The following ABCA2 variants were observed in gnomAD, a reference collection of about 807,000 sequenced individuals.
ABCA2 encodes ATP binding cassette subfamily A member 2.
In ABCA2, 84 loss-of-function variants were observed where a neutral mutation model predicts 262.8. The observed-to-expected ratio is 0.32, with a 90% confidence interval of 0.27 to 0.38. ABCA2 has a LOEUF of 0.38. Ranked by LOEUF, ABCA2 falls within the 10% of genes least tolerant of loss-of-function variation. ABCA2 has a pLI of 1.00. For synonymous variants in ABCA2, 1,696 were observed against 1,502.9 expected (o/e 1.13, Z -2.97); for missense variants, 2,662 against 3,405.9 (o/e 0.78, Z 5.44).
intron 26 of ABCA2, 135 bp downstream of exon 26, chr9:137,014,555 C>G: frequency 6.8e-7 from 1 of 1,474,072 alleles, no homozygotes; most frequent in East Asian, 2.5e-5. Context: ...GGACCGCAGG[C>G]TAACCCCGGG....
intron 5 of ABCA2, 45 bp from the exon 6 acceptor site, chr9:137,022,523 C>A: frequency 6.3e-7 from 1 of 1,598,056 alleles, no homozygotes; most frequent in Non-Finnish European, 8.5e-7. Flanking sequence ...TGCACCTTGG[C>A]AAGGTGCCCC....
chr9:137,016,864 C>A, intron 19 of ABCA2, 56 bp downstream of exon 19: 1 of 1,595,028 alleles, frequency 6.3e-7, no homozygotes, highest in Non-Finnish European at 8.5e-7. Flanking sequence ...CTGCTGGTCC[C>A]CAACCCTGGC....
chr9:137,026,333 T>C (rs1831653674), intron 1 of ABCA2, among the ~76,000 whole-genome samples: 1 of 152,294 alleles, frequency 6.6e-6, no homozygotes, highest in South Asian at 2.1e-4. Context: ...GCAGGGCGCA[T>C]GGCACACAGG....
rs1831529509 is a variant in ABCA2, at chr9:137,022,989, G to A, written c.227C>T (p.Pro76Leu). 1 of 1,594,464 alleles carries A rather than the reference G, an allele frequency of 6.3e-7. No homozygotes were observed. Among genetic ancestry groups the A allele is most frequent in the East Asian group, 2.3e-5 (1 of 43,992 alleles). The change falls in exon 4 of 49, where the codon CCG (proline) becomes CTG (leucine). Residue 76 changes from proline (P) to leucine (L), a missense_variant. This residue lies in a region of ABCA2 where 101 missense variants were observed against 152.3 expected (regional missense o/e 0.66). Coordinates refer to ENST00000341511, the MANE Select transcript of ABCA2 (RefSeq NM_001606.5). ...GILPVMQSLC[P>L]DGQRDEFGFL... ...GCCGAACTCGTCTCGCTGGCCGTCCGGGCACAGCGATTGCATGACAGGCAG... is the reference window on the plus strand; with the variant it reads ...GCCGAACTCGTCTCGCTGGCCGTCCAGGCACAGCGATTGCATGACAGGCAG...
Position 137,020,496 on chromosome 9 carries a change from C to CTGGGGT in ABCA2, c.1266-7_1266-2dup, listed in dbSNP as rs1338751764. On this transcript the variant is annotated splice_acceptor_variant, in intron 9 of 48. Transcript: ENST00000341511. LOFTEE classifies it high-confidence loss of function. The stretch of plus-strand genomic sequence containing the variant: ...CCGCAGCGCCTCGGGTTCAATGGTG[C>CTGGGGT]TGGGGTAGGGGACAGGGGGCCGGGC... 1 of 1,589,428 alleles carries CTGGGGT rather than the reference C, an allele frequency of 6.3e-7. No homozygotes were observed. The highest frequency in any genetic ancestry group is 8.6e-7 in the Non-Finnish European group (1 of 1,168,740).
At position 137,013,038 on chromosome 9, in the gene ABCA2, C is replaced by T. The variant is rs774592003; in HGVS notation, c.4831G>A (p.Ala1611Thr). 1 of 1,532,318 alleles carries T rather than the reference C, an allele frequency of 6.5e-7. No individual in the cohort carries two copies. The highest frequency in any genetic ancestry group is 8.8e-7 in the Non-Finnish European group (1 of 1,140,080). The allele number at this position is 1,532,318 out of a possible 1,614,324, so 94.9% of individuals were successfully genotyped here. A position where few individuals can be genotyped will look rare whatever the true frequency, so the allele number is the denominator to read the frequency against. Residue 1611 changes from alanine to threonine, a missense_variant, in exon 30 of 49, where the codon GCC (alanine) becomes ACC (threonine). By Grantham distance (58) the Ala-to-Thr change is moderately conservative. This residue lies in a region of ABCA2 where 192 missense variants were observed against 207.2 expected (regional missense o/e 0.93). Coordinates refer to ENST00000341511, the MANE Select transcript of ABCA2 (RefSeq NM_001606.5). ...GTGGGCGGCAGGGAGACGTTCCAGGCCTGCAGGTCCTCATCCGGGGACGCT... is the reference window on the plus strand; with the variant it reads ...GTGGGCGGCAGGGAGACGTTCCAGGTCTGCAGGTCCTCATCCGGGGACGCT... ...SPASPDEDLQAWNVSLPPTAG... is the reference protein window; with the variant it reads ...SPASPDEDLQTWNVSLPPTAG...
At chr9:137,016,838 C>T (rs138613940) in intron 19 of ABCA2, 82 bp downstream of exon 19, 210 of 1,572,448 alleles carry the variant, frequency 1.3e-4, no homozygotes, top group African/African-American at 1.2e-3. Flanking sequence ...GTGCTGCATC[C>T]AGGAGTGGAC....
At position 137,021,255 on chromosome 9, in the gene ABCA2, C is replaced by T; in HGVS notation, c.897+137G>A. 7.7e-7 allele frequency: 1 copy of T among 1,298,270 alleles called. No homozygotes were observed. The highest frequency in any genetic ancestry group is 1.4e-5 in the South Asian group (1 of 69,246). The allele number at this position is 1,298,270 out of a possible 1,614,324, so 80.4% of individuals were successfully genotyped here. A position where few individuals can be genotyped will look rare whatever the true frequency, so the allele number is the denominator to read the frequency against. On this transcript the variant is annotated intron_variant, in intron 8 of 48. Transcript: ENST00000341511. The surrounding 1 kb of genome is among the most constrained non-coding windows in gnomAD (Gnocchi z 6.0). ...CAGGAGTGGGGCACCAGCCATGGTG[C>T]CATTGGATACCCACCCACAGGCAGC... is the stretch of plus-strand genomic sequence containing the variant.
At chr9:137,017,945 GC>G in intron 15 of ABCA2, 27 bp downstream of exon 15, 2 of 1,612,204 alleles carry the variant, frequency 1.2e-6, no homozygotes, top group Non-Finnish European at 1.7e-6. Context: ...CCCAGCCCCA[GC>G]CCCAGCCCCG....
rs767130384 is a variant in ABCA2, at chr9:137,013,282, G to A, written c.4587C>T (p.Leu1529=). 7.0e-6 allele frequency: 11 copies of A among 1,580,666 alleles called. No homozygotes were observed. The highest frequency in any genetic ancestry group is 6.9e-5 in the East Asian group (3 of 43,754). ...RLSPDASPQQ[L]VSTFRLPSGV... ...CCGACGGCAGCCGGAACGTGCTCAC[G>A]AGCTGCTGGGGGCTGGCGTCGGGCG... Residue 1529 remains leucine, a synonymous_variant, in exon 30 of 49, where the codon CTC becomes CTT. Transcript: ENST00000341511.
Position 137,008,498 on chromosome 9 carries a change from G to C in ABCA2, c.7193C>G (p.Thr2398Arg). Residue 2398 changes from threonine (T) to arginine (R), a missense_variant, in exon 48 of 49, where the codon ACG becomes AGG. Physicochemically the swap from Thr to Arg is moderately conservative, Grantham distance 71. Coordinates refer to ENST00000341511, the MANE Select transcript of ABCA2 (RefSeq NM_001606.5). ...LSLLRPRSAP[T>R]ELRALVADEP... ...GTCTGCCACAAGTGCCCGGAGCTCC[G>C]TGGGGGCAGACCGGGGCCGGAGCAG... is the stretch of plus-strand genomic sequence containing the variant. 3 of 1,580,126 alleles carry C rather than the reference G, an allele frequency of 1.9e-6. No individual in the cohort carries two copies. The highest frequency in any genetic ancestry group is 2.6e-6 in the Non-Finnish European group (3 of 1,163,650).
chr9:137,009,029 C>T lies in ABCA2; in HGVS notation c.6852G>A (p.Thr2284=), dbSNP rs200737069. 45 of 1,608,474 alleles carry T rather than the reference C, an allele frequency of 2.8e-5. No individual in the cohort carries two copies. Among genetic ancestry groups the T allele is most frequent in the Admixed American group, 6.7e-5 (4 of 59,988 alleles). ...CACTCTGGCTGCTCTTGGTCCGCAC[C>T]GTGATCATGTAGCCATCTCCAAACC... ...KNRFGDGYMI[T]VRTKSSQSVK... is the part of the protein sequence containing the mutation. The change falls in exon 46 of 49, where the codon ACG becomes ACA. Residue 2284 remains threonine, a synonymous_variant. Coordinates refer to ENST00000341511, the MANE Select transcript of ABCA2 (RefSeq NM_001606.5).
At chr9:137,008,094 CCTCT>C (rs1267621324) in intron 48 of ABCA2, 130 bp from the exon 49 acceptor site, 1 of 1,200,552 alleles carries the variant, frequency 8.3e-7, no homozygotes, top group African/African-American at 1.5e-5. Flanking sequence ...CCACGAGCTC[CCTCT>C]GTGTCTGGGC....
At chr9:137,012,677 G>A (rs1588510996) in intron 31 of ABCA2, 35 bp downstream of exon 31, 3 of 1,611,024 alleles carry the variant, frequency 1.9e-6, no homozygotes, top group Non-Finnish European at 2.5e-6. Context: ...CTGGTGGCCG[G>A]CCACCCTCAC....
rs780880816 is a variant in ABCA2, at chr9:137,022,356, G to A, written c.562C>T (p.Pro188Ser). ...QALLAARVDP[P>S]EVYHLLFGPS... ...GGGAGCTGTCCCTGCCTTACCTCGG[G>A]CGGGTCCACACGGGCGGCCAAGAGT... is the stretch of plus-strand genomic sequence containing the variant. The change falls in exon 6 of 49, where the codon CCC becomes TCC. Residue 188 changes from proline to serine, a missense_variant. This residue lies in a region of ABCA2 where 403 missense variants were observed against 375.9 expected (regional missense o/e 1.07). Coordinates refer to ENST00000341511, the MANE Select transcript of ABCA2 (RefSeq NM_001606.5). 16 of 1,605,854 alleles carry A rather than the reference G, an allele frequency of 1.0e-5. No homozygotes were observed. Among genetic ancestry groups the A allele is most frequent in the Non-Finnish European group, 1.4e-5 (16 of 1,176,836 alleles).
In ABCA2 at chr9:137,028,048, G is replaced by T; in HGVS notation, c.66+27C>A. 4.1e-6 allele frequency: 4 copies of T among 979,714 alleles called. No individual in the cohort carries two copies. The highest frequency in any genetic ancestry group is 4.8e-6 in the Non-Finnish European group (4 of 825,898). The allele number at this position is 979,714 out of a possible 1,614,324, so 60.7% of individuals were successfully genotyped here. A position where few individuals can be genotyped will look rare whatever the true frequency, so the allele number is the denominator to read the frequency against. Reference sequence around the variant, plus strand: ...GCCGCGGTGCGCGCGGCCTCGGGCTGAGGGCGGGCGCGTGGGGTGGGCTCA... The same window carrying T: ...GCCGCGGTGCGCGCGGCCTCGGGCTTAGGGCGGGCGCGTGGGGTGGGCTCA... On this transcript the variant is annotated intron_variant, in intron 1 of 48. Transcript: ENST00000341511. The surrounding 1 kb of genome is among the most constrained non-coding windows in gnomAD (Gnocchi z 6.9).
At position 137,009,441 on chromosome 9, in the gene ABCA2, C is replaced by T. The variant is rs779184622; in HGVS notation, c.6756G>A (p.Leu2252=). The part of the protein sequence containing the change: ...TSHSMEECEA[L]CTRLAIMVNG... Reference sequence around the variant, plus strand: ...TCACCATGATGGCCAGCCGCGTGCACAGCGCCTCGCACTCCTCCATGCTGT... The same window carrying T: ...TCACCATGATGGCCAGCCGCGTGCATAGCGCCTCGCACTCCTCCATGCTGT... Residue 2252 remains leucine (L), a synonymous_variant, in exon 45 of 49, where the codon CTG becomes CTA. Coordinates refer to ENST00000341511, the MANE Select transcript of ABCA2 (RefSeq NM_001606.5). 8 of 1,610,524 alleles carry T rather than the reference C, an allele frequency of 5.0e-6. No homozygotes were observed. The African/African-American group carries it at 9.3e-5, about 19-fold the overall frequency.
chr9:137,026,365 T>G (rs1831654346), intron 1 of ABCA2, among the ~76,000 whole-genome samples: 1 of 152,188 alleles, frequency 6.6e-6, no homozygotes, highest in Admixed American at 6.5e-5. Flanking sequence ...TCATCCAAGC[T>G]TGGCCCCAAG....
chr9:137,008,966 C>T lies in ABCA2; in HGVS notation c.6915G>A (p.Pro2305=), dbSNP rs756832150. The T allele has an allele frequency of 5.6e-6, 9 of 1,599,566 alleles. No homozygotes were observed. Among genetic ancestry groups the T allele is most frequent in the East Asian group, 4.6e-5 (2 of 43,842 alleles). ...GACGGCGCACCTTGAGCATGGCTTC[C>T]GGGAAGTTGCGGTTGAAGAACCGCA... is the stretch of plus-strand genomic sequence containing the variant. ...DVVRFFNRNF[P]EAMLKERHHT... The change falls in exon 46 of 49, where the codon CCG becomes CCA. Residue 2305 remains proline, a synonymous_variant. Coordinates refer to ENST00000341511, the MANE Select transcript of ABCA2 (RefSeq NM_001606.5).
Sources: allele counts gnomAD v4.1 joint callset (sites outside exome capture counted in the v4.1 genomes callset), GRCh38; gene constraint gnomAD v4.1.1; regional missense constraint gnomAD v4.1.1; non-coding constraint Gnocchi (gnomAD v3.1); transcripts MANE v1.5; gene names NCBI Gene and HGNC (gene_info 2026-07-23, HGNC 2026-07-21).